Variants in MRPS9 observed in about 807,000 individuals in gnomAD.
MRPS9 encodes the protein small ribosomal subunit protein uS9m.
A neutral mutation model predicts 59.9 loss-of-function variants in MRPS9; 45 were observed. The ratio of observed to expected loss-of-function variants is 0.75; its 90% CI spans 0.59 to 0.96. The LOEUF (loss-of-function observed/expected upper bound fraction) is 0.96, where lower values mean the gene tolerates loss of function less well. MRPS9 is among the 40% of genes least tolerant of loss of function. The pLI is 0.00. For synonymous variants in MRPS9, 171 were observed against 166.8 expected (o/e 1.03, Z -0.19); for missense variants, 473 against 481.1 (o/e 0.98, Z 0.16).
At position 105,093,574 on chromosome 2, in the gene MRPS9, G is replaced by A. The variant is rs1680601222; in HGVS notation, c.865G>A (p.Gly289Arg). ...AGCAGAAGCAATTGTTTATAAACAT[G>A]GAAGTGGAAGAATAAAAGTAAATGG... ...AKAEAIVYKHGSGRIKVNGID... is the reference protein window; with the variant it reads ...AKAEAIVYKHRSGRIKVNGID... The change falls in exon 9 of 11, where the codon GGA becomes AGA. Residue 289 changes from glycine (G) to arginine (R), a missense_variant. Transcript: ENST00000258455. 6.2e-7 allele frequency: 1 copy of A among 1,606,446 alleles called. No individual in the cohort carries two copies. Among genetic ancestry groups the A allele is most frequent in the Non-Finnish European group, 8.5e-7 (1 of 1,176,094 alleles).
At chr2:105,079,315 A>G (rs1283725267) in intron 4 of MRPS9, among the ~76,000 whole-genome samples, 1 of 129,604 alleles carries the variant, frequency 7.7e-6, no homozygotes, top group East Asian at 3.3e-4. Context: ...TTAGCATACA[A>G]CAGAGATAGT....
At chr2:105,080,917 A>G (rs1680319720) in intron 5 of MRPS9, among the ~76,000 whole-genome samples, 1 of 145,502 alleles carries the variant, frequency 6.9e-6, no homozygotes, top group Non-Finnish European at 1.6e-5. Flanking sequence ...GGGGGAAAAA[A>G]AAAAACAACC....
intron 1 of MRPS9, among the ~76,000 whole-genome samples, chr2:105,041,167 G>C (rs1679495011): frequency 6.6e-6 from 1 of 152,106 alleles, no homozygotes; most frequent in South Asian, 2.1e-4. Context: ...GCAGTTGACA[G>C]TTTCCTTCCA....
chr2:105,058,829 A>G (rs1679842135), intron 2 of MRPS9, among the ~76,000 whole-genome samples: 1 of 151,742 alleles, frequency 6.6e-6, no homozygotes, highest in Admixed American at 6.6e-5. Flanking sequence ...ACAGGTGCCC[A>G]CCACCATGCT....
intron 2 of MRPS9, among the ~76,000 whole-genome samples, chr2:105,064,190 G>T (rs1260358296): frequency 1.3e-5 from 2 of 152,178 alleles, no homozygotes; most frequent in Admixed American, 6.5e-5. Context: ...GTGTTTAGGA[G>T]AGATCAAGAG....
At chr2:105,039,791 A>C (rs1455544955) in intron 1 of MRPS9, among the ~76,000 whole-genome samples, 1 of 152,238 alleles carries the variant, frequency 6.6e-6, no homozygotes, top group East Asian at 1.9e-4. Context: ...TTCAGTAAAC[A>C]TCTGGTCTAG....
intron 7 of MRPS9, among the ~76,000 whole-genome samples, chr2:105,090,592 C>T (rs371752033): frequency 3.9e-5 from 6 of 152,270 alleles, no homozygotes; most frequent in African/African-American, 9.6e-5. Flanking sequence ...ACTTTCCAGG[C>T]GAATCTTATA....
chr2:105,092,350 T>C (rs2104469095), intron 7 of MRPS9, 51 bp from the exon 8 acceptor site: 6 of 1,482,460 alleles, frequency 4.0e-6, no homozygotes, highest in Non-Finnish European at 5.4e-6. Flanking sequence ...AGAAAAAATT[T>C]AGCAAATGCA....
intron 9 of MRPS9, among the ~76,000 whole-genome samples, chr2:105,095,734 T>G (rs937791042): frequency 6.6e-6 from 1 of 151,980 alleles, no homozygotes; most frequent in African/African-American, 2.4e-5. Flanking sequence ...CGACCTCAGG[T>G]GATCTGCCCG....
rs1490970728 is a variant in MRPS9, at chr2:105,092,515, C to G, written c.766C>G (p.Leu256Val). ...TGTAACTCTTGAATCAAAAAAACAG[C>G]TGATTGAACCTGTACAGTATGATGA... is the stretch of plus-strand genomic sequence containing the variant. ...RSVTLESKKQ[L>V]IEPVQYDEQG... is the part of the protein sequence containing the mutation. Residue 256 changes from leucine to valine, a missense_variant, in exon 8 of 11, where the codon CTG becomes GTG. Leu to Val is a conservative substitution (Grantham distance 32). Coordinates refer to ENST00000258455, the MANE Select transcript of MRPS9 (RefSeq NM_182640.3). The G allele has an allele frequency of 6.2e-7, 1 of 1,613,872 alleles. No individual in the cohort carries two copies. Among genetic ancestry groups the G allele is most frequent in the Admixed American group, 1.7e-5 (1 of 59,966 alleles).
intron 5 of MRPS9, among the ~76,000 whole-genome samples, chr2:105,084,816 A>G (rs1054119612): frequency 6.6e-6 from 1 of 152,128 alleles, no homozygotes; most frequent in Non-Finnish European, 1.5e-5. Flanking sequence ...TCTTTAATGT[A>G]TATTTTCCTC....
rs114645156 is a variant in MRPS9 at position 105,061,004 on chromosome 2, A to T, written c.316-10309A>T. Among the ~76,000 whole-genome samples the T allele has an allele frequency of 7.9e-3, 1,158 of 147,276 alleles. 12 individuals carry two copies. The highest frequency in any genetic ancestry group is 0.028 in the African/African-American group (1,113 of 40,080). Reference sequence around the variant, plus strand: ...TGAGTGCCTGTAGTCCCAGCTACTCAGGACTTGAGGCAGGAGAATGGCGTG... The same window carrying T: ...TGAGTGCCTGTAGTCCCAGCTACTCTGGACTTGAGGCAGGAGAATGGCGTG... On this transcript the variant is annotated intron_variant, in intron 2 of 10. Transcript: ENST00000258455.
intron 1 of MRPS9, among the ~76,000 whole-genome samples, chr2:105,043,762 G>C (rs1026176705): frequency 2.6e-5 from 4 of 151,688 alleles, no homozygotes; most frequent in African/African-American, 9.7e-5. Context: ...AGCCTCCCAA[G>C]TAGCTGGGAT....
chr2:105,038,512 C>T (rs1242061171), intron 1 of MRPS9: 1 of 423,428 alleles, frequency 2.4e-6, no homozygotes. Flanking sequence ...AAGTAAGGGT[C>T]GGTGCCTAGG....
At chr2:105,039,917 T>C (rs1047161539) in intron 1 of MRPS9, among the ~76,000 whole-genome samples, 2 of 152,234 alleles carry the variant, frequency 1.3e-5, no homozygotes, top group African/African-American at 4.8e-5. Flanking sequence ...AAATGTTTAC[T>C]GAGCACTTTA....
chr2:105,082,101 G>T (rs1365557822), intron 5 of MRPS9, among the ~76,000 whole-genome samples: 1 of 152,132 alleles, frequency 6.6e-6, no homozygotes, highest in East Asian at 1.9e-4. Flanking sequence ...CCTTGGTGGT[G>T]GGGGGAACCG....
At chr2:105,080,616 G>A (rs1310493954) in intron 5 of MRPS9, among the ~76,000 whole-genome samples, 1 of 152,104 alleles carries the variant, frequency 6.6e-6, no homozygotes, top group African/African-American at 2.4e-5. Context: ...AGCTATAAGT[G>A]TCTGATAGTG....
chr2:105,086,745 C>T (rs1403149137), intron 5 of MRPS9, among the ~76,000 whole-genome samples: 1 of 152,218 alleles, frequency 6.6e-6, no homozygotes. Flanking sequence ...TTGTCAGATA[C>T]ATTCCTCTGC....
At chr2:105,080,431 A>G (rs2104460578) in intron 5 of MRPS9, among the ~76,000 whole-genome samples, 1 of 152,172 alleles carries the variant, frequency 6.6e-6, no homozygotes, top group Non-Finnish European at 1.5e-5. Flanking sequence ...AAAGAATCAA[A>G]TGGTTATTTC....
Sources: gnomAD v4.1 joint callset for allele counts (sites outside exome capture counted in the v4.1 genomes callset) on GRCh38, gnomAD v4.1.1 for gene constraint, MANE v1.5 for transcripts, NCBI Gene and HGNC (gene_info 2026-07-23, HGNC 2026-07-21) for gene names.